SI: variants seen among roughly 807,000 people sequenced by gnomAD.
SI encodes the protein sucrase-isomaltase, intestinal.
In SI, 235 loss-of-function variants were observed where a neutral mutation model predicts 253.3. That is an observed-to-expected ratio of 0.93 (90% confidence interval 0.83 to 1.03). The LOEUF (loss-of-function observed/expected upper bound fraction) is 1.03. SI is among the 50% of genes least tolerant of loss of function. SI has a pLI of 0.00. For missense variants in SI, 2,442 were observed against 2,211.1 expected, an observed-to-expected ratio of 1.10 and a Z score of -2.09; for synonymous variants, 819 against 712.0, an observed-to-expected ratio of 1.15 and a Z score of -2.39.
chr3:165,024,736 T>C (rs186625929), intron 25 of SI, among the ~76,000 whole-genome samples: 1 of 151,286 alleles, frequency 6.6e-6, no homozygotes, highest in Admixed American at 6.6e-5. Flanking sequence ...ATTTTTCTCA[T>C]TTTTTTAGAG....
At chr3:165,036,810 T>C (rs997618545) in intron 21 of SI, among the ~76,000 whole-genome samples, 36 of 151,896 alleles carry the variant, frequency 2.4e-4, no homozygotes, top group African/African-American at 7.9e-4. Flanking sequence ...TTATTAAGGC[T>C]CAACTCAACC....
At position 165,030,745 on chromosome 3, in the gene SI, T is replaced by C. The variant is rs1444268809; in HGVS notation, c.2859A>G (p.Gln953=). 1.2e-6 allele frequency: 2 copies of C among 1,609,384 alleles called. No individual in the cohort carries two copies. Among genetic ancestry groups the C allele is most frequent in the East Asian group, 2.2e-5 (1 of 44,672 alleles). ...ATACACAGCCACGTTGTGTGCACTTTTGTTCAGTTGCCAAATCTGCATCTG... is the reference window on the plus strand; with the variant it reads ...ATACACAGCCACGTTGTGTGCACTTCTGTTCAGTTGCCAAATCTGCATCTG... ...CYPDADLATE[Q]KCTQRGCVWR... The change falls in exon 25 of 48, where the codon CAA becomes CAG. Residue 953 remains glutamine (Q), a synonymous_variant. Transcript: ENST00000264382.
Position 165,059,913 on chromosome 3 carries a change from C to A in SI, c.1135G>T (p.Gly379Cys), listed in dbSNP as rs1181769104. The change falls in exon 10 of 48, where the codon GGC becomes TGC. Residue 379 changes from glycine to cysteine, a missense_variant. Coordinates refer to ENST00000264382, the MANE Select transcript of SI (RefSeq NM_001041.4). ...KEVVRRNREAGIPFDTQVTDI... is the reference protein window; with the variant it reads ...KEVVRRNREACIPFDTQVTDI... ...TTTATTCTACTTACAAATGGTATGCCAGCTTCCCGGTTTCTCCTTACCACT... is the reference window on the plus strand; with the variant it reads ...TTTATTCTACTTACAAATGGTATGCAAGCTTCCCGGTTTCTCCTTACCACT... The A allele has an allele frequency of 6.2e-7, 1 of 1,611,404 alleles. No homozygotes were observed. The highest frequency in any genetic ancestry group is 8.5e-7 in the Non-Finnish European group (1 of 1,178,212).
At chr3:165,038,056 T>A (rs777644985) in intron 20 of SI, 32 bp from the exon 21 acceptor site, 3 of 1,560,744 alleles carry the variant, frequency 1.9e-6, no homozygotes, top group Non-Finnish European at 2.6e-6. Context: ...ACATTCTTAA[T>A]ATTATTGAAG....
intron 3 of SI, among the ~76,000 whole-genome samples, chr3:165,073,344 A>C (rs1714722719): frequency 6.6e-6 from 1 of 151,968 alleles, no homozygotes; most frequent in Non-Finnish European, 1.5e-5. Context: ...TTAAGTAAAG[A>C]GAATATCTGG....
At position 165,013,001 on chromosome 3, in the gene SI, TAG is replaced by T. The variant is rs1718840187; in HGVS notation, c.4039_4040del (p.Leu1347AsnfsTer4). On this transcript the variant is annotated frameshift_variant, in exon 34 of 48. Transcript: ENST00000264382. LOFTEE classifies it high-confidence loss of function. The part of the protein sequence containing the change: ...DLPNITIDKT[L>X]TEDEAVNASR... ...TTACATTAACAGCTTCATCTTCCGT[TAG>T]AGTTTTATCTATTGTTATGTTGGGC... 6.2e-7 allele frequency: 1 copy of T among 1,609,310 alleles called. No individual in the cohort carries two copies. The highest frequency in any genetic ancestry group is 8.5e-7 in the Non-Finnish European group (1 of 1,175,826).
In SI at chr3:165,069,145, A is replaced by G. The variant is rs1714411581; in HGVS notation, c.306T>C (p.Leu102=). 7.4e-6 allele frequency: 12 copies of G among 1,613,694 alleles called. No homozygotes were observed. Among genetic ancestry groups the G allele is most frequent in the Non-Finnish European group, 1.0e-5 (12 of 1,179,758 alleles). ...GCCWRPWNDS[L]IPWCFFVDNH... is the part of the protein sequence containing the mutation. Reference sequence around the variant, plus strand: ...TATCAACGAAGAAGCACCAAGGAATAAGAGAGTCATTCCACGGCCTCCAGC... The same window carrying G: ...TATCAACGAAGAAGCACCAAGGAATGAGAGAGTCATTCCACGGCCTCCAGC... Residue 102 remains leucine, a synonymous_variant, in exon 4 of 48, where the codon CTT becomes CTC. Coordinates refer to ENST00000264382, the MANE Select transcript of SI (RefSeq NM_001041.4).
the SI span, among the ~76,000 whole-genome samples, chr3:165,088,570 GGCA>G: frequency 6.6e-6 from 1 of 151,932 alleles, no homozygotes; most frequent in Admixed American, 6.6e-5. Context: ...GAACCTGGGA[GGCA>G]GAAGTTGCAG....
At chr3:164,989,317 C>G (rs907551915) in intron 44 of SI, among the ~76,000 whole-genome samples, 1 of 140,664 alleles carries the variant, frequency 7.1e-6, no homozygotes, top group African/African-American at 2.7e-5. Flanking sequence ...CCAGCCTGAG[C>G]AACAGAGCAA....
intron 46 of SI, 52 bp from the exon 47 acceptor site, chr3:164,982,462 T>A: frequency 2.9e-6 from 4 of 1,369,564 alleles, no homozygotes; most frequent in Non-Finnish European, 4.1e-6. Flanking sequence ...CAAAAGCAAT[T>A]AAAACTTTAA....
intron 15 of SI, among the ~76,000 whole-genome samples, chr3:165,047,572 G>A (rs992236606): frequency 5.3e-5 from 8 of 151,930 alleles, no homozygotes; most frequent in Non-Finnish European, 7.4e-5. Context: ...GTAAAATACA[G>A]TGAAAAGGAA....
rs1272468768 is a variant in SI at position 165,009,318 on chromosome 3, G to C, written c.4140C>G (p.Asp1380Glu). 6.2e-7 allele frequency: 1 copy of C among 1,612,590 alleles called. No individual in the cohort carries two copies. Among genetic ancestry groups the C allele is most frequent in the Admixed American group, 1.7e-5 (1 of 59,972 alleles). The change falls in exon 35 of 48, where the codon GAC becomes GAG. Residue 1380 changes from aspartate to glutamate, a missense_variant. Transcript: ENST00000264382. ...CAAACTTCATCTTTTCATTGTAAAA[G>C]TCCACAATTTCTCTGGCCCACCACT... ...TAEWWAREIV[D>E]FYNEKMKFDG...
intron 15 of SI, among the ~76,000 whole-genome samples, chr3:165,048,584 T>TATATATGTATATATATATATATATAGAG (rs779292188): frequency 8.0e-6 from 1 of 125,266 alleles, no homozygotes; most frequent in African/African-American, 3.0e-5. Context: ...TATATATATA[T>TATATATGTATATATATATATATATAGAG]AGAGAGAGAG....
chr3:165,042,275 A>G (rs1298052878), intron 17 of SI, among the ~76,000 whole-genome samples: 1 of 152,052 alleles, frequency 6.6e-6, no homozygotes, highest in Non-Finnish European at 1.5e-5. Flanking sequence ...TGTACCTTTT[A>G]ATTTTTTTCC....
At chr3:165,040,167 G>C (rs112163093) in intron 18 of SI, among the ~76,000 whole-genome samples, 196 bp from the exon 19 acceptor site, 8 of 151,510 alleles carry the variant, frequency 5.3e-5, no homozygotes, top group African/African-American at 1.5e-4. Flanking sequence ...AGGGAGGAAG[G>C]GAAGAAGGAA....
At chr3:165,027,964 T>C (rs967173966) in intron 25 of SI, among the ~76,000 whole-genome samples, 13 of 151,026 alleles carry the variant, frequency 8.6e-5, no homozygotes, top group African/African-American at 2.9e-4. Context: ...AAGAAAAAAA[T>C]GGCATCCAAA....
intron 20 of SI, among the ~76,000 whole-genome samples, chr3:165,038,464 C>T (rs1712648544): frequency 6.6e-6 from 1 of 151,258 alleles, no homozygotes. Context: ...AATTCCAGCA[C>T]TTTGGGAGGC....
At chr3:165,035,855 T>C (rs529227524) in intron 22 of SI, among the ~76,000 whole-genome samples, 49 of 151,772 alleles carry the variant, frequency 3.2e-4, no homozygotes, top group African/African-American at 1.1e-3. Context: ...TAGCAGAAGA[T>C]TACTTTTAAA....
Position 165,059,915 on chromosome 3 carries a change from G to A in SI, c.1133C>T (p.Ala378Val). 6.2e-7 allele frequency: 1 copy of A among 1,611,614 alleles called. No individual in the cohort carries two copies. Among genetic ancestry groups the A allele is most frequent in the Non-Finnish European group, 8.5e-7 (1 of 1,178,226 alleles). The change falls in exon 10 of 48, where the codon GCT becomes GTT. Residue 378 changes from alanine to valine, a missense_variant. Transcript: ENST00000264382. ...TATTCTACTTACAAATGGTATGCCA[G>A]CTTCCCGGTTTCTCCTTACCACTTC... ...VKEVVRRNRE[A>V]GIPFDTQVTD...
Sources: allele counts gnomAD v4.1 joint callset (sites outside exome capture counted in the v4.1 genomes callset), GRCh38; gene constraint gnomAD v4.1.1; transcripts MANE v1.5; gene names NCBI Gene and HGNC (gene_info 2026-07-23, HGNC 2026-07-21).